Variants in PRPF4 observed in about 807,000 individuals in gnomAD.
PRPF4 encodes U4/U6 small nuclear ribonucleoprotein Prp4.
Under a neutral mutation model 72.2 loss-of-function variants are expected in PRPF4, and 14 were observed. The observed-to-expected ratio is 0.19, with a 90% CI of 0.13 to 0.30. PRPF4 has a LOEUF of 0.30. Ranked by LOEUF, PRPF4 falls within the 10% of genes least tolerant of loss-of-function variation. The probability of loss-of-function intolerance (pLI) is 1.00; values close to 1 mark genes in which losing one functional copy is unlikely to be tolerated. For missense variants in PRPF4, 478 were observed against 653.9 expected (o/e 0.73, Z 2.93); for synonymous variants, 225 against 232.2 (o/e 0.97, Z 0.28).
chr9:113,285,543 T>C (rs1293597240), intron 7 of PRPF4, among the ~76,000 whole-genome samples: 1 of 150,828 alleles, frequency 6.6e-6, no homozygotes, highest in African/African-American at 2.4e-5. Flanking sequence ...CGCACCCAGC[T>C]AATTTTTTGT....
Position 113,276,734 on chromosome 9 carries a change from CA to C in PRPF4, c.205+12del. 1 of 1,599,640 alleles carries C rather than the reference CA, an allele frequency of 6.3e-7. No homozygotes were observed. Among genetic ancestry groups the C allele is most frequent in the Non-Finnish European group, 8.5e-7 (1 of 1,172,342 alleles). Reference sequence around the variant, plus strand: ...TATTAATATAACCTCTGGTAAGATGCAAATTGTGAGCCCATCTTTACCTCTT... The same window carrying C: ...TATTAATATAACCTCTGGTAAGATGCAATTGTGAGCCCATCTTTACCTCTT... On this transcript the variant is annotated intron_variant, in intron 2 of 13. Transcript: ENST00000374198.
rs571892044 is a variant in PRPF4 at position 113,291,412 on chromosome 9, C to T, written c.1373-55C>T. 5 of 1,507,934 alleles carry T rather than the reference C, an allele frequency of 3.3e-6. No homozygotes were observed. In the East Asian group the frequency reaches 1.1e-4, roughly 34 times the overall value. 93.4% of individuals were successfully genotyped at this position (1,507,934 alleles called of 1,614,324 possible). A position where few individuals can be genotyped will look rare whatever the true frequency, so the allele number is the denominator to read the frequency against. On this transcript the variant is annotated intron_variant, in intron 13 of 13. Transcript: ENST00000374198. Reference sequence around the variant, plus strand: ...TTTTTGCAGACTTTTGTGCTTTTGTCTTCTCTTTTGAATACTTGAATTCCT... The same window carrying T: ...TTTTTGCAGACTTTTGTGCTTTTGTTTTCTCTTTTGAATACTTGAATTCCT...
At chr9:113,280,915 A>G (rs1276272136) in intron 3 of PRPF4, among the ~76,000 whole-genome samples, 3 of 151,314 alleles carry the variant, frequency 2.0e-5, no homozygotes, top group African/African-American at 7.3e-5. Context: ...ATCTCAGCTC[A>G]CTGCAACCTC....
chr9:113,282,532 T>C (rs1832312325), intron 3 of PRPF4, 114 bp from the exon 4 acceptor site: 1 of 777,096 alleles, frequency 1.3e-6, no homozygotes, highest in Non-Finnish European at 2.0e-6. Flanking sequence ...AAAGGCTTGC[T>C]CCCATCTTAG....
At chr9:113,289,637 A>G (rs981592514) in intron 10 of PRPF4, among the ~76,000 whole-genome samples, 1 of 151,988 alleles carries the variant, frequency 6.6e-6, no homozygotes. Context: ...CTTTATTTCC[A>G]TGTGCATAGT....
At chr9:113,285,527 C>T (rs955993813) in intron 7 of PRPF4, among the ~76,000 whole-genome samples, 3 of 150,596 alleles carry the variant, frequency 2.0e-5, no homozygotes, top group South Asian at 2.1e-4. Flanking sequence ...TACAGGCACC[C>T]GCCACCGCAC....
chr9:113,275,738 C>T lies in PRPF4; in HGVS notation c.-6C>T. On this transcript the variant is annotated 5_prime_UTR_variant, in exon 1 of 14. Coordinates refer to ENST00000374198, the MANE Select transcript of PRPF4 (RefSeq NM_001244926.2). ...TCGCTGGGGCCTCGCGGCTCCAGAG[C>T]CCAGCATGGCTTCCTCGCGAGCCTC... The T allele has an allele frequency of 2.5e-6, 4 of 1,611,558 alleles. No homozygotes were observed. Among genetic ancestry groups the T allele is most frequent in the Non-Finnish European group, 3.4e-6 (4 of 1,178,930 alleles).
At chr9:113,280,278 T>C (rs757464664) in intron 3 of PRPF4, among the ~76,000 whole-genome samples, 3 of 152,138 alleles carry the variant, frequency 2.0e-5, no homozygotes. Flanking sequence ...TCTAAACCTC[T>C]TTTTCTCTGC....
At chr9:113,284,157 C>CAACA in intron 6 of PRPF4, 138 bp from the exon 7 acceptor site, 1 of 602,070 alleles carries the variant, frequency 1.7e-6, no homozygotes, top group Admixed American at 2.9e-5. Flanking sequence ...CTAACAGCAG[C>CAACA]AACAAAACCA....
At chr9:113,289,324 A>T (rs1832541216) in intron 10 of PRPF4, among the ~76,000 whole-genome samples, 1 of 152,200 alleles carries the variant, frequency 6.6e-6, no homozygotes, top group Non-Finnish European at 1.5e-5. Context: ...TTCTTGTACC[A>T]GGCTTTTTGT....
At chr9:113,284,153 G>T (rs1464268456) in intron 6 of PRPF4, 142 bp from the exon 7 acceptor site, 1 of 588,644 alleles carries the variant, frequency 1.7e-6, no homozygotes, top group East Asian at 2.9e-5. Flanking sequence ...TCTTCTAACA[G>T]CAGCAACAAA....
chr9:113,281,256 C>G lies in PRPF4; in HGVS notation c.393-1390C>G, dbSNP rs190751286. Among the ~76,000 whole-genome samples the G allele has an allele frequency of 6.0e-3, 908 of 152,330 alleles. 14 individuals are homozygous for G. Among genetic ancestry groups the G allele is most frequent in the Non-Finnish European group, 6.2e-3 (422 of 68,022 alleles). ...CTATTCAAAGAAGCCTTTCGTCACA[C>G]CTAACCCCTCTGTTCTCTGTCATAG... On this transcript the variant is annotated intron_variant, in intron 3 of 13. Coordinates refer to ENST00000374198, the MANE Select transcript of PRPF4 (RefSeq NM_001244926.2).
intron 9 of PRPF4, 87 bp from the exon 10 acceptor site, chr9:113,288,088 A>G (rs760099236): frequency 2.4e-5 from 31 of 1,267,444 alleles, no homozygotes; most frequent in Non-Finnish European, 3.4e-5. Flanking sequence ...CGTGTTGTAC[A>G]GAATGGGTAT....
At chr9:113,279,422 G>A (rs1439305924) in intron 3 of PRPF4, among the ~76,000 whole-genome samples, 2 of 152,232 alleles carry the variant, frequency 1.3e-5, no homozygotes, top group Non-Finnish European at 2.9e-5. Flanking sequence ...TGAGTGCAGC[G>A]TCGTGATCTC....
intron 8 of PRPF4, 117 bp downstream of exon 8, chr9:113,286,407 G>T: frequency 9.2e-7 from 1 of 1,090,196 alleles, no homozygotes; most frequent in Admixed American, 1.9e-5. Flanking sequence ...GATTTGATTT[G>T]ACTTGGTTTT....
intron 2 of PRPF4, among the ~76,000 whole-genome samples, chr9:113,277,131 T>A (rs953062496): frequency 8.5e-5 from 13 of 152,172 alleles, no homozygotes; most frequent in African/African-American, 3.1e-4. Flanking sequence ...ATTCTTAAAC[T>A]TGCAGCTATA....
chr9:113,283,669 G>A (rs1832349808), intron 6 of PRPF4, among the ~76,000 whole-genome samples, 187 bp downstream of exon 6: 1 of 152,160 alleles, frequency 6.6e-6, no homozygotes, highest in South Asian at 2.1e-4. Context: ...TTTGTATTCA[G>A]CAGAGGCCTA....
rs1311787458 is a variant in PRPF4, at chr9:113,279,037, G to A, written c.298G>A (p.Val100Ile). ...AAGGAAGCGAGCCCGGCAGATCAAT[G>A]TTTCCACAGATGACTCAGAGGTCAA... Reference protein sequence around the residue: ...ERRKRARQINVSTDDSEVKAC... With the variant: ...ERRKRARQINISTDDSEVKAC... Residue 100 changes from valine to isoleucine, a missense_variant, in exon 3 of 14, where the codon GTT (valine) becomes ATT (isoleucine). Transcript: ENST00000374198. The A allele has an allele frequency of 6.2e-7, 1 of 1,614,246 alleles. No individual in the cohort carries two copies. The highest frequency in any genetic ancestry group is 1.7e-5 in the Admixed American group (1 of 60,030).
intron 3 of PRPF4, 81 bp from the exon 4 acceptor site, chr9:113,282,565 A>T: frequency 1.8e-6 from 2 of 1,120,124 alleles, no homozygotes; most frequent in Non-Finnish European, 2.6e-6. Context: ...AACAGTGTTT[A>T]AAACTGTGTT....
Sources: allele counts gnomAD v4.1 joint callset (sites outside exome capture counted in the v4.1 genomes callset), GRCh38; gene constraint gnomAD v4.1.1; transcripts MANE v1.5; gene names NCBI Gene and HGNC (gene_info 2026-07-23, HGNC 2026-07-21).